The following CTDP1 variants were observed in gnomAD, a reference collection of about 807,000 sequenced individuals.
The protein encoded by CTDP1 is RNA polymerase II subunit A C-terminal domain phosphatase.
CTDP1 carries 47 observed loss-of-function variants against 91.8 expected under a neutral mutation model. That is an observed-to-expected ratio of 0.51 (90% CI 0.41 to 0.65). The LOEUF is 0.65. CTDP1 is among the 30% of genes least tolerant of loss of function. The pLI is 0.00. For missense variants in CTDP1, 1,272 were observed against 1,373.7 expected (o/e 0.93, Z 1.17); for synonymous variants, 656 against 598.5 (o/e 1.10, Z -1.40).
chr18:79,703,961 C>G (rs1290697762), intron 4 of CTDP1, among the ~76,000 whole-genome samples: 1 of 148,026 alleles, frequency 6.8e-6, no homozygotes, highest in African/African-American at 2.5e-5. Context: ...AGGCAGGTAG[C>G]TATTGTGAGT....
At chr18:79,693,193 T>C (rs910884007) in intron 1 of CTDP1, among the ~76,000 whole-genome samples, 7 of 151,938 alleles carry the variant, frequency 4.6e-5, no homozygotes, top group African/African-American at 1.7e-4. Context: ...GCAGTGTCTT[T>C]GAGCAGGTGT....
Position 79,701,523 on chromosome 18 carries a change from A to G in CTDP1, c.622-3244A>G, listed in dbSNP as rs2085856403. On this transcript the variant is annotated intron_variant, in intron 4 of 12. Transcript: ENST00000613122. The stretch of plus-strand genomic sequence containing the variant: ...AGACTCCATCTCAAAAAAAATAATA[A>G]ATAAATTAAATAAATAAATAAATAA... Among the ~76,000 whole-genome samples, 3 of 86,134 alleles carry G rather than the reference A, an allele frequency of 3.5e-5. 1 individual carries two copies. In the Admixed American group the frequency reaches 4.0e-4, roughly 11 times the overall value. The allele number at this position is 86,134 out of a possible 152,430, so 56.5% of individuals were successfully genotyped here.
intron 12 of CTDP1, among the ~76,000 whole-genome samples, chr18:79,737,957 G>C (rs904507418): frequency 1.1e-4 from 16 of 151,952 alleles, no homozygotes; most frequent in Non-Finnish European, 2.2e-4. Context: ...CTTCCTTTTT[G>C]CCTGTTTCTG....
intron 1 of CTDP1, among the ~76,000 whole-genome samples, chr18:79,689,641 C>T (rs1041607047): frequency 2.0e-5 from 3 of 152,090 alleles, no homozygotes; most frequent in Non-Finnish European, 1.5e-5. Context: ...CAAAAATAGG[C>T]GTGATGGTGC....
Position 79,679,932 on chromosome 18 carries a change from C to T in CTDP1, c.-16C>T, listed in dbSNP as rs932221639. On this transcript the variant is annotated 5_prime_UTR_variant, in exon 1 of 13. Transcript: ENST00000613122. ...CGCAGGCCCCGTACCGACCGCCCGC[C>T]CGCCCTCTGTCCGCGATGGAGGTGC... The T allele has an allele frequency of 7.9e-5, 109 of 1,384,488 alleles. No individual in the cohort carries two copies. Among genetic ancestry groups the T allele is most frequent in the Middle Eastern group, 2.7e-4 (1 of 3,736 alleles). 85.8% of individuals were successfully genotyped at this position (1,384,488 alleles called of 1,614,324 possible).
intron 3 of CTDP1, among the ~76,000 whole-genome samples, chr18:79,696,538 T>C (rs657348): frequency 0.77 from 116,707 of 151,194 alleles, 45,338 homozygotes; most frequent in Middle Eastern, 0.82. Flanking sequence ...CGGGGGGACG[T>C]GGTTGGTAGC....
Position 79,715,230 on chromosome 18 carries a change from C to T in CTDP1, c.1770C>T (p.Leu590=), listed in dbSNP as rs1204595418. The change falls in exon 8 of 13, where the codon CTC becomes CTT. Residue 590 remains leucine (L), a synonymous_variant. Coordinates refer to ENST00000613122, the MANE Select transcript of CTDP1 (RefSeq NM_004715.5). ...EEEDTDEDDH[L]IYLEEILVRV... is the part of the protein sequence containing the mutation. ...AGGACACGGATGAGGATGACCACCT[C>T]ATCTACCTGGAGGAGATCCTGGTCC... 6.2e-7 allele frequency: 1 copy of T among 1,610,402 alleles called. No homozygotes were observed. Among genetic ancestry groups the T allele is most frequent in the African/African-American group, 1.3e-5 (1 of 74,888 alleles).
At chr18:79,701,396 G>A (rs2085852589) in intron 4 of CTDP1, among the ~76,000 whole-genome samples, 1 of 151,936 alleles carries the variant, frequency 6.6e-6, no homozygotes, top group Non-Finnish European at 1.5e-5. Context: ...TGTAGTCCCA[G>A]CTACTCGGGA....
chr18:79,697,318 G>A (rs980856115), intron 3 of CTDP1, among the ~76,000 whole-genome samples: 1 of 149,884 alleles, frequency 6.7e-6, no homozygotes, highest in African/African-American at 2.4e-5. Flanking sequence ...CCGGGCTCCT[G>A]ATGCCGGGGT....
intron 1 of CTDP1, among the ~76,000 whole-genome samples, chr18:79,689,988 A>G (rs1317184871): frequency 2.6e-5 from 4 of 152,012 alleles, no homozygotes; most frequent in Non-Finnish European, 5.9e-5. Context: ...TCTCCTGGCC[A>G]CAGTCCTGGA....
chr18:79,734,138 C>T (rs576676183), intron 11 of CTDP1, among the ~76,000 whole-genome samples: 2 of 152,164 alleles, frequency 1.3e-5, no homozygotes, highest in Non-Finnish European at 2.9e-5. Flanking sequence ...CAGCTTGTTC[C>T]AAGTCGGCCT....
rs759939476 is a variant in CTDP1, at chr18:79,713,123, C to G, written c.1015C>G (p.Gln339Glu). 1 of 1,613,968 alleles carries G rather than the reference C, an allele frequency of 6.2e-7. No homozygotes were observed. The highest frequency in any genetic ancestry group is 1.7e-5 in the Admixed American group (1 of 60,002). Residue 339 changes from glutamine to glutamate, a missense_variant, in exon 7 of 13, where the codon CAG becomes GAG. Physicochemically the swap from Gln to Glu is conservative, Grantham distance 29. This residue lies in a region of CTDP1 where 881 missense variants were observed against 911.6 expected (regional missense o/e 0.97). Coordinates refer to ENST00000613122, the MANE Select transcript of CTDP1 (RefSeq NM_004715.5). This position sits in a 1 kb window ranked among gnomAD's most constrained non-coding sequence, Gnocchi z 4.7. ...MNAPPGSRESQTRKKVNHSRG... is the reference protein window; with the variant it reads ...MNAPPGSRESETRKKVNHSRG... ...TGCGCCCCCTGGGTCCCGAGAATCT[C>G]AGACGAGAAAGAAAGGTGGGTAACC...
chr18:79,705,201 A>G (rs1270058250), intron 5 of CTDP1, among the ~76,000 whole-genome samples: 1 of 152,138 alleles, frequency 6.6e-6, no homozygotes, highest in Non-Finnish European at 1.5e-5. Context: ...GCGTCCTCCG[A>G]CAGATACCTT....
At chr18:79,735,922 C>T (rs2086658717) in intron 11 of CTDP1, 1 of 210,362 alleles carries the variant, frequency 4.8e-6, no homozygotes, top group Non-Finnish European at 9.8e-6. Flanking sequence ...TCTCCACCCC[C>T]AGGTGGCTGC....
intron 12 of CTDP1, among the ~76,000 whole-genome samples, chr18:79,749,168 A>G (rs1248034249): frequency 6.6e-6 from 1 of 152,210 alleles, no homozygotes; most frequent in East Asian, 1.9e-4. Flanking sequence ...TGCTGCCATT[A>G]GAACTCTGCC....
chr18:79,707,141 G>A (rs1028225064), intron 5 of CTDP1, among the ~76,000 whole-genome samples: 3 of 152,230 alleles, frequency 2.0e-5, no homozygotes, highest in African/African-American at 7.2e-5. Context: ...CTGTTTAAAT[G>A]CTTGGCTGGA....
At chr18:79,678,278 A>G (rs2085279117), upstream of CTDP1, 1 of 152,230 alleles carries the variant, frequency 6.6e-6, no homozygotes, top group Non-Finnish European at 1.5e-5. Context: ...TCACCTCTTT[A>G]AACTGCTACT....
At chr18:79,681,296 C>T (rs73007486) in intron 1 of CTDP1, 24,874 of 186,244 alleles carry the variant, frequency 0.13, 2,208 homozygotes, top group Non-Finnish European at 0.19. Context: ...CACTCCTGCC[C>T]CCTGCGTGCT....
At chr18:79,680,464 A>G (rs2085338586) in intron 1 of CTDP1, among the ~76,000 whole-genome samples, 1 of 152,196 alleles carries the variant, frequency 6.6e-6, no homozygotes, top group African/African-American at 2.4e-5. Context: ...TTGAGATAAA[A>G]GGAAAGGGTC....
Sources: gnomAD v4.1 joint callset for allele counts (sites outside exome capture counted in the v4.1 genomes callset) on GRCh38, gnomAD v4.1.1 for gene constraint, gnomAD v4.1.1 regional missense constraint, Gnocchi (gnomAD v3.1) non-coding constraint, MANE v1.5 for transcripts, NCBI Gene and HGNC (gene_info 2026-07-23, HGNC 2026-07-21) for gene names.